Variants in CALN1 observed in about 807,000 individuals in gnomAD.
CALN1 encodes the protein calneuron 1.
Under a neutral mutation model 30.6 loss-of-function variants are expected in CALN1, and 17 were observed. The observed-to-expected ratio is 0.56, with a 90% CI of 0.38 to 0.83. The LOEUF (loss-of-function observed/expected upper bound fraction) is 0.83, where lower values mean the gene tolerates loss of function less well. Ranked by LOEUF, CALN1 falls within the 40% of genes least tolerant of loss-of-function variation. The probability of loss-of-function intolerance (pLI) is 0.00; values close to 1 mark genes in which losing one functional copy is unlikely to be tolerated. For synonymous variants in CALN1, 156 were observed against 131.4 expected (o/e 1.19, Z -1.28); for missense variants, 291 against 354.9 (o/e 0.82, Z 1.45).
At chr7:72,226,247 A>G (rs887591946) in intron 3 of CALN1, among the ~76,000 whole-genome samples, 1 of 152,102 alleles carries the variant, frequency 6.6e-6, no homozygotes, top group South Asian at 2.1e-4. Flanking sequence ...ATCTGTCTCA[A>G]AATAATAATT....
At chr7:71,925,477 A>ATTTTTTGGGTT (rs1554383145) in intron 5 of CALN1, among the ~76,000 whole-genome samples, 3 of 135,214 alleles carry the variant, frequency 2.2e-5, no homozygotes, top group Non-Finnish European at 4.7e-5. Context: ...CCCCCCTCCT[A>ATTTTTTGGGTT]TTTTTTGGGT....
intron 3 of CALN1, among the ~76,000 whole-genome samples, chr7:72,241,985 T>TCC (rs1349845902): frequency 6.6e-6 from 1 of 152,200 alleles, no homozygotes; most frequent in Non-Finnish European, 1.5e-5. Flanking sequence ...TTTTTCATTA[T>TCC]CCCAAAGTGA....
intron 3 of CALN1, among the ~76,000 whole-genome samples, chr7:72,266,824 C>A (rs1796628200): frequency 6.6e-6 from 1 of 152,166 alleles, no homozygotes; most frequent in South Asian, 2.1e-4. Flanking sequence ...CAGCTACCAT[C>A]AGAGAAATCC....
intron 2 of CALN1, among the ~76,000 whole-genome samples, chr7:72,355,449 C>A (rs1803168058): frequency 6.6e-6 from 1 of 152,122 alleles, no homozygotes; most frequent in South Asian, 2.1e-4. Context: ...TTGCTTGAAC[C>A]CAGGAGACAG....
intron 4 of CALN1, among the ~76,000 whole-genome samples, chr7:72,027,665 G>A (rs1801149626): frequency 6.6e-6 from 1 of 150,640 alleles, no homozygotes; most frequent in South Asian, 2.1e-4. Context: ...GAGCTAAGAT[G>A]GCACCACTGC....
intron 2 of CALN1, among the ~76,000 whole-genome samples, chr7:72,287,728 G>A (rs951418270): frequency 1.3e-5 from 2 of 152,114 alleles, no homozygotes; most frequent in African/African-American, 4.8e-5. Context: ...TTACAGGCGT[G>A]AGCCACTACG....
chr7:72,454,017 T>C, the CALN1 span, among the ~76,000 whole-genome samples: 421 of 151,546 alleles, frequency 2.8e-3, 15 homozygotes, highest in East Asian at 0.075. Context: ...TATATATTCA[T>C]GGGCAACTAA....
At chr7:72,224,214 AAATCTTCTAGG>A (rs1459862596) in intron 3 of CALN1, among the ~76,000 whole-genome samples, 3 of 152,198 alleles carry the variant, frequency 2.0e-5, no homozygotes, top group African/African-American at 7.2e-5. Flanking sequence ...TTAAAAAATA[AAATCTTCTAGG>A]AGAATTAAAA....
At chr7:72,488,114 GC>G in the CALN1 span, among the ~76,000 whole-genome samples, 20 of 151,844 alleles carry the variant, frequency 1.3e-4, no homozygotes, top group Non-Finnish European at 2.8e-4. Context: ...AATCACTTGA[GC>G]CCAGGTGTTA....
At chr7:72,442,266 G>A (rs1206494840) in intron 1 of CALN1, among the ~76,000 whole-genome samples, 1 of 152,148 alleles carries the variant, frequency 6.6e-6, no homozygotes, top group Non-Finnish European at 1.5e-5. Context: ...CAGCAGTGAG[G>A]AGGATCATTT....
chr7:72,401,311 C>T (rs1806325841), intron 2 of CALN1, among the ~76,000 whole-genome samples: 1 of 152,090 alleles, frequency 6.6e-6, no homozygotes, highest in Non-Finnish European at 1.5e-5. Flanking sequence ...CACTCCCCTC[C>T]ACATCCAACT....
intron 1 of CALN1, among the ~76,000 whole-genome samples, chr7:72,431,460 G>T (rs1396374331): frequency 6.6e-6 from 1 of 152,130 alleles, no homozygotes; most frequent in African/African-American, 2.4e-5. Context: ...TAACACTGCA[G>T]CAGCCTCTAT....
rs780677051 is a variant in CALN1, at chr7:72,412,063, T to C, written c.-79A>G. ...TCTTTAGTTTCTGTGCCCACCTGTG[T>C]GCGGAATTTATTCCTTCTGCTGGGT... On this transcript the variant is annotated 5_prime_UTR_variant, in exon 1 of 7. Transcript: ENST00000395275. The C allele has an allele frequency of 3.9e-5, 6 of 152,228 alleles. No homozygotes were observed. The highest frequency in any genetic ancestry group is 8.8e-5 in the Non-Finnish European group (6 of 68,056). The allele number at this position is 152,228 out of a possible 1,614,324, so 9.4% of individuals were successfully genotyped here.
intron 4 of CALN1, among the ~76,000 whole-genome samples, chr7:72,069,152 C>T (rs1005264156): frequency 9.2e-5 from 14 of 152,144 alleles, no homozygotes; most frequent in Admixed American, 7.9e-4. Context: ...TGGAGACGTC[C>T]GTGCGGAATC....
chr7:72,411,697 G>C (rs1177632411), intron 1 of CALN1, among the ~76,000 whole-genome samples: 3 of 152,174 alleles, frequency 2.0e-5, no homozygotes, highest in African/African-American at 7.2e-5. Context: ...AAATGACAGA[G>C]AAACTAACTG....
chr7:72,232,708 T>C (rs551409204), intron 3 of CALN1, among the ~76,000 whole-genome samples: 13 of 152,304 alleles, frequency 8.5e-5, no homozygotes, highest in African/African-American at 3.1e-4. Flanking sequence ...GATCTGCCCA[T>C]CTTGGCCTCC....
At chr7:72,229,397 T>C (rs1331813079) in intron 3 of CALN1, among the ~76,000 whole-genome samples, 1 of 152,018 alleles carries the variant, frequency 6.6e-6, no homozygotes, top group Admixed American at 6.6e-5. Context: ...GGCAAGAGGA[T>C]CGCTTACCAT....
intron 1 of CALN1, 120 bp downstream of exon 1, chr7:72,411,935 AAAC>A (rs1283964032): frequency 2.0e-5 from 3 of 152,204 alleles, no homozygotes; most frequent in Non-Finnish European, 4.4e-5. Flanking sequence ...TCATAGATTA[AAAC>A]ACCACCATAA....
At chr7:72,405,603 CACT>C (rs1022943962) in intron 1 of CALN1, among the ~76,000 whole-genome samples, 10 of 152,286 alleles carry the variant, frequency 6.6e-5, no homozygotes, top group Admixed American at 1.3e-4. Context: ...TATTCACACA[CACT>C]ACAACGCCCA....
Sources: gnomAD v4.1 joint callset for allele counts (sites outside exome capture counted in the v4.1 genomes callset) on GRCh38, gnomAD v4.1.1 for gene constraint, MANE v1.5 for transcripts, NCBI Gene and HGNC (gene_info 2026-07-23, HGNC 2026-07-21) for gene names.